Variants in SNTB1 observed in about 807,000 individuals in gnomAD.
SNTB1 encodes the protein beta-1-syntrophin.
SNTB1 carries 36 observed loss-of-function variants against 48.9 expected under a neutral mutation model. That is an observed-to-expected ratio of 0.74 (90% confidence interval 0.56 to 0.97). SNTB1 has a LOEUF of 0.97. Among genes scored for constraint, SNTB1 ranks in the 50% least tolerant of loss-of-function variants. The pLI is 0.00. For missense variants in SNTB1, 786 were observed against 703.4 expected, an observed-to-expected ratio of 1.12 and a Z score of -1.33; for synonymous variants, 299 against 294.6, an observed-to-expected ratio of 1.01 and a Z score of -0.15.
chr8:120,758,345 T>C (rs4385502), intron 1 of SNTB1, among the ~76,000 whole-genome samples: 61,122 of 151,844 alleles, frequency 0.4, 15,712 homozygotes, highest in African/African-American at 0.74. Flanking sequence ...GATATGAGTT[T>C]CTCACCTCCA....
chr8:120,790,005 C>G (rs959597792), intron 1 of SNTB1, among the ~76,000 whole-genome samples: 2 of 151,940 alleles, frequency 1.3e-5, no homozygotes, highest in Non-Finnish European at 2.9e-5. Flanking sequence ...TTCTAGCCAA[C>G]CAAATCCAAC....
chr8:120,684,305 G>A (rs1043017165), intron 2 of SNTB1, among the ~76,000 whole-genome samples: 3 of 152,102 alleles, frequency 2.0e-5, no homozygotes, highest in Admixed American at 6.5e-5. Flanking sequence ...CATTCAGACC[G>A]TAACATTCTG....
chr8:120,547,983 C>T (rs1390346406), intron 5 of SNTB1, among the ~76,000 whole-genome samples: 1 of 152,096 alleles, frequency 6.6e-6, no homozygotes, highest in Non-Finnish European at 1.5e-5. Context: ...ATGTAATCCC[C>T]AGTATGGAGG....
intron 3 of SNTB1, among the ~76,000 whole-genome samples, chr8:120,586,044 A>C (rs1039617806): frequency 6.6e-6 from 1 of 152,218 alleles, no homozygotes; most frequent in Non-Finnish European, 1.5e-5. Context: ...GCAGTGTTAC[A>C]CTAGCTACAT....
At chr8:120,763,778 C>T (rs1819467474) in intron 1 of SNTB1, among the ~76,000 whole-genome samples, 1 of 143,258 alleles carries the variant, frequency 7.0e-6, no homozygotes, top group South Asian at 2.2e-4. Context: ...ATATGATACT[C>T]AACCTATGAT....
chr8:120,792,215 C>T lies in SNTB1; in HGVS notation c.571+19058G>A, dbSNP rs116422599. Among the ~76,000 whole-genome samples the T allele has an allele frequency of 7.4e-3, 1,120 of 151,722 alleles. 12 individuals carry two copies. Among genetic ancestry groups the T allele is most frequent in the African/African-American group, 0.025 (1,047 of 41,396 alleles). On this transcript the variant is annotated intron_variant, in intron 1 of 6. Transcript: ENST00000517992. Reference sequence around the variant, plus strand: ...GTCATTTGCAGCAACTTGGATGAGACGAGAGGCCATTATTCTAAGTGAAGT... The same window carrying T: ...GTCATTTGCAGCAACTTGGATGAGATGAGAGGCCATTATTCTAAGTGAAGT...
chr8:120,604,891 A>G (rs1232502507), intron 3 of SNTB1, among the ~76,000 whole-genome samples: 1 of 152,250 alleles, frequency 6.6e-6, no homozygotes, highest in Non-Finnish European at 1.5e-5. Context: ...TGTTTCCAGT[A>G]AGATGTGCTG....
At chr8:120,675,772 T>C (rs1817823811) in intron 2 of SNTB1, among the ~76,000 whole-genome samples, 1 of 152,228 alleles carries the variant, frequency 6.6e-6, no homozygotes, top group Non-Finnish European at 1.5e-5. Context: ...GTAAACTATC[T>C]TTGCCACAAT....
chr8:120,728,567 G>A (rs769746495), intron 1 of SNTB1, among the ~76,000 whole-genome samples: 3 of 152,052 alleles, frequency 2.0e-5, no homozygotes, highest in South Asian at 2.1e-4. Context: ...TTTAGCTCCC[G>A]CTTATAAGTG....
intron 3 of SNTB1, among the ~76,000 whole-genome samples, chr8:120,605,476 G>C (rs918144507): frequency 6.6e-6 from 1 of 152,130 alleles, no homozygotes; most frequent in African/African-American, 2.4e-5. Context: ...AGTAGTGTAT[G>C]TTCACAAGCC....
intron 1 of SNTB1, among the ~76,000 whole-genome samples, chr8:120,724,532 G>A (rs1818722238): frequency 6.6e-6 from 1 of 152,174 alleles, no homozygotes; most frequent in Admixed American, 6.5e-5. Context: ...AAGAAGGGTT[G>A]AGTAGTTTGA....
At chr8:120,611,844 A>G (rs896837973) in intron 3 of SNTB1, among the ~76,000 whole-genome samples, 2 of 150,974 alleles carry the variant, frequency 1.3e-5, no homozygotes, top group African/African-American at 4.9e-5. Context: ...AAAAAAAAAA[A>G]AGGCAGTGCC....
intron 2 of SNTB1, among the ~76,000 whole-genome samples, chr8:120,664,444 AC>A (rs1443859539): frequency 1.3e-5 from 2 of 152,138 alleles, no homozygotes; most frequent in Non-Finnish European, 2.9e-5. Context: ...AGACATACAT[AC>A]CCCCCATGAC....
At chr8:120,686,335 T>G (rs899656437) in intron 2 of SNTB1, among the ~76,000 whole-genome samples, 2 of 152,200 alleles carry the variant, frequency 1.3e-5, no homozygotes, top group African/African-American at 2.4e-5. Flanking sequence ...TAAATTTTTT[T>G]CTCACAATTC....
chr8:120,794,504 C>G (rs1031045302), intron 1 of SNTB1, among the ~76,000 whole-genome samples: 1 of 151,762 alleles, frequency 6.6e-6, no homozygotes, highest in African/African-American at 2.4e-5. Flanking sequence ...CACACACACA[C>G]TCAAGTATAT....
chr8:120,750,311 T>C (rs1314141658), intron 1 of SNTB1, among the ~76,000 whole-genome samples: 1 of 152,150 alleles, frequency 6.6e-6, no homozygotes, highest in African/African-American at 2.4e-5. Context: ...ATTTATACAA[T>C]TAATCATTTT....
At chr8:120,797,732 T>G (rs1332460472) in intron 1 of SNTB1, among the ~76,000 whole-genome samples, 1 of 151,836 alleles carries the variant, frequency 6.6e-6, no homozygotes, top group Non-Finnish European at 1.5e-5. Context: ...AGTCAACACA[T>G]GCTGACCTCT....
At chr8:120,604,712 A>T (rs961409204) in intron 3 of SNTB1, among the ~76,000 whole-genome samples, 1 of 152,126 alleles carries the variant, frequency 6.6e-6, no homozygotes, top group African/African-American at 2.4e-5. Flanking sequence ...CGGCCTCCCA[A>T]AGTGGTGGGA....
chr8:120,661,049 A>G (rs966320363), intron 2 of SNTB1, among the ~76,000 whole-genome samples: 1 of 152,224 alleles, frequency 6.6e-6, no homozygotes, highest in African/African-American at 2.4e-5. Flanking sequence ...ACAGATCACC[A>G]TAATAGATAC....
Sources: gnomAD v4.1 joint callset for allele counts (sites outside exome capture counted in the v4.1 genomes callset) on GRCh38, gnomAD v4.1.1 for gene constraint, MANE v1.5 for transcripts, NCBI Gene and HGNC (gene_info 2026-07-23, HGNC 2026-07-21) for gene names.